ME1: variants seen among roughly 807,000 people sequenced by gnomAD.
The protein encoded by ME1 is malic enzyme 1, also known as NADP-dependent malic enzyme.
ME1 carries 74 observed loss-of-function variants against 66.4 expected under a neutral mutation model. The observed-to-expected ratio is 1.11, with a 90% CI of 0.92 to 1.35. The LOEUF is 1.35. Among genes scored for constraint, ME1 ranks in the 40% most tolerant of loss-of-function variants. The pLI, the probability that ME1 is intolerant of heterozygous loss-of-function variation, is 0.00. For synonymous variants in ME1, 251 were observed against 235.6 expected (o/e 1.07, Z -0.60); for missense variants, 750 against 694.1 (o/e 1.08, Z -0.90).
chr6:83,237,721 A>T lies in ME1; in HGVS notation c.1022T>A (p.Val341Asp). Residue 341 changes from valine (V) to aspartate (D), a missense_variant, in exon 9 of 14, where the codon GTT becomes GAT. Physicochemically the swap from Val to Asp is radical, Grantham distance 152 (BLOSUM62 -3). Transcript: ENST00000369705. Reference protein sequence around the residue: ...IWLVDSKGLIVKGRASLTQEK... With the variant: ...IWLVDSKGLIDKGRASLTQEK... ...TTAAAAATGACAAATTCTTACCTTAACTATTAATCCTTTTGAATCAACCAG... is the reference window on the plus strand; with the variant it reads ...TTAAAAATGACAAATTCTTACCTTATCTATTAATCCTTTTGAATCAACCAG... 6.4e-7 allele frequency: 1 copy of T among 1,562,422 alleles called. No individual in the cohort carries two copies. The highest frequency in any genetic ancestry group is 8.7e-7 in the Non-Finnish European group (1 of 1,143,126).
chr6:83,324,834 G>C (rs529733712), intron 5 of ME1, among the ~76,000 whole-genome samples: 2 of 148,320 alleles, frequency 1.3e-5, no homozygotes, highest in African/African-American at 5.0e-5. Context: ...CCAAACAATA[G>C]AAAAAGAAGG....
chr6:83,311,743 C>T (rs900077123), intron 6 of ME1, among the ~76,000 whole-genome samples: 7 of 152,056 alleles, frequency 4.6e-5, no homozygotes, highest in African/African-American at 1.7e-4. Context: ...TGACTGATAG[C>T]AATAAGGATG....
intron 6 of ME1, among the ~76,000 whole-genome samples, chr6:83,284,997 T>C (rs546518137): frequency 6.6e-6 from 1 of 152,216 alleles, no homozygotes. Flanking sequence ...GTCTATGATT[T>C]TGCCATTGTG....
chr6:83,251,374 A>G (rs1400765960), intron 7 of ME1, among the ~76,000 whole-genome samples: 2 of 152,112 alleles, frequency 1.3e-5, no homozygotes, highest in Admixed American at 1.3e-4. Context: ...ACGCACCTGT[A>G]ATCCCAGCTA....
chr6:83,375,548 G>C (rs772695098), intron 3 of ME1, among the ~76,000 whole-genome samples: 3 of 152,120 alleles, frequency 2.0e-5, no homozygotes, highest in Admixed American at 1.3e-4. Context: ...AACAGAGACA[G>C]TTTGACTTCC....
At position 83,284,934 on chromosome 6, in the gene ME1, T is replaced by C. The variant is rs1050955379; in HGVS notation, c.704+30376A>G. ...TCTCTCTGAGTAGTATTCCATGGTATATATTTATCACATTTAAAAATCCAA... is the reference window on the plus strand; with the variant it reads ...TCTCTCTGAGTAGTATTCCATGGTACATATTTATCACATTTAAAAATCCAA... On this transcript the variant is annotated intron_variant, in intron 6 of 13. Coordinates refer to ENST00000369705, the MANE Select transcript of ME1 (RefSeq NM_002395.6). Among the ~76,000 whole-genome samples, 5 of 152,184 alleles carry C rather than the reference T, an allele frequency of 3.3e-5. No homozygotes were observed. In the East Asian group the frequency reaches 7.7e-4, roughly 23 times the overall value.
intron 6 of ME1, among the ~76,000 whole-genome samples, chr6:83,299,968 A>G (rs1420091422): frequency 6.6e-6 from 1 of 152,196 alleles, no homozygotes; most frequent in South Asian, 2.1e-4. Context: ...AATGCGGTGG[A>G]TAAGCTTTTT....
intron 7 of ME1, 40 bp downstream of exon 7, chr6:83,253,589 A>G: frequency 1.0e-6 from 1 of 968,230 alleles, no homozygotes; most frequent in Non-Finnish European, 1.7e-6. Flanking sequence ...AACTAATTTC[A>G]GACATGTTAT....
At chr6:83,407,953 G>T (rs772627911) in intron 1 of ME1, 52 bp from the exon 2 acceptor site, 5 of 1,506,464 alleles carry the variant, frequency 3.3e-6, no homozygotes, top group Non-Finnish European at 4.4e-6. Flanking sequence ...GAGGAAAATA[G>T]ACAAAAAGCA....
chr6:83,344,412 T>C (rs1768647885), intron 5 of ME1, among the ~76,000 whole-genome samples: 2 of 152,166 alleles, frequency 1.3e-5, no homozygotes, highest in African/African-American at 4.8e-5. Flanking sequence ...TTTTAAAATT[T>C]GATTTCAATG....
chr6:83,370,167 T>C (rs1769169482), intron 3 of ME1, among the ~76,000 whole-genome samples: 1 of 152,198 alleles, frequency 6.6e-6, no homozygotes, highest in African/African-American at 2.4e-5. Context: ...GATATGTTCA[T>C]ACTTTTCTGT....
intron 3 of ME1, among the ~76,000 whole-genome samples, chr6:83,386,479 C>G (rs1344901195): frequency 6.6e-6 from 1 of 151,764 alleles, no homozygotes; most frequent in Non-Finnish European, 1.5e-5. Context: ...CCAGGACTAC[C>G]TAAAGGTTTA....
At chr6:83,270,565 G>C (rs934485797) in intron 6 of ME1, among the ~76,000 whole-genome samples, 2 of 152,054 alleles carry the variant, frequency 1.3e-5, no homozygotes, top group African/African-American at 4.8e-5. Context: ...CACGCTAATG[G>C]AGGGCATTAA....
intron 13 of ME1, 92 bp downstream of exon 13, chr6:83,216,406 A>G (rs903624099): frequency 3.3e-6 from 3 of 911,254 alleles, no homozygotes; most frequent in Admixed American, 4.1e-5. Context: ...ACAGATATAC[A>G]TTTCAAGGAA....
intron 13 of ME1, among the ~76,000 whole-genome samples, chr6:83,213,546 T>C (rs1185655758): frequency 2.0e-5 from 3 of 152,118 alleles, no homozygotes; most frequent in Admixed American, 6.5e-5. Flanking sequence ...TGTACTTTTT[T>C]AGAAGAGAAG....
intron 5 of ME1, among the ~76,000 whole-genome samples, chr6:83,323,557 A>G (rs1768224482): frequency 6.6e-6 from 1 of 152,214 alleles, no homozygotes; most frequent in Non-Finnish European, 1.5e-5. Context: ...GATAAAACAG[A>G]GTTTAAACAA....
rs796403771 is a variant in ME1, at chr6:83,216,506, C to G, written c.1540G>C (p.Ala514Pro). 6.2e-7 allele frequency: 1 copy of G among 1,601,224 alleles called. No individual in the cohort carries two copies. The highest frequency in any genetic ancestry group is 8.5e-7 in the Non-Finnish European group (1 of 1,175,280). ...AACAAGAGTGGTTTTACCTTTTCTGCAATTTTCAGAGAAACATCTCTAATG... is the reference window on the plus strand; with the variant it reads ...AACAAGAGTGGTTTTACCTTTTCTGGAATTTTCAGAGAAACATCTCTAATG... ...NTIRDVSLKI[A>P]EKIVKDAYQE... The change falls in exon 13 of 14, where the codon GCA (alanine) becomes CCA (proline). Residue 514 changes from alanine (A) to proline (P), a missense_variant. Ala to Pro is a conservative substitution (Grantham distance 27). Transcript: ENST00000369705.
chr6:83,350,971 CAAAAAAAA>C (rs34259968), intron 4 of ME1, among the ~76,000 whole-genome samples: 19 of 55,784 alleles, frequency 3.4e-4, no homozygotes, highest in African/African-American at 1.1e-3. Flanking sequence ...GTGGAGAAAG[CAAAAAAAA>C]AAAAAAAAAA....
At chr6:83,252,125 T>C (rs1373706969) in intron 7 of ME1, among the ~76,000 whole-genome samples, 1 of 152,102 alleles carries the variant, frequency 6.6e-6, no homozygotes, top group East Asian at 1.9e-4. Flanking sequence ...GTGGGAAAGC[T>C]GAAGAGGGAG....
Sources: gnomAD v4.1 joint callset for allele counts (sites outside exome capture counted in the v4.1 genomes callset) on GRCh38, gnomAD v4.1.1 for gene constraint, MANE v1.5 for transcripts, NCBI Gene and HGNC (gene_info 2026-07-23, HGNC 2026-07-21) for gene names.